The following ESR1 variants were observed in gnomAD, a reference collection of about 807,000 sequenced individuals.
The protein encoded by ESR1 is estrogen receptor 1, also known as estrogen receptor.
In ESR1, 12 loss-of-function variants were observed where a neutral mutation model predicts 52.7. The observed-to-expected ratio is 0.23, with a 90% CI of 0.15 to 0.37. The LOEUF (loss-of-function observed/expected upper bound fraction) is 0.37, where lower values mean the gene tolerates loss of function less well. Among genes scored for constraint, ESR1 ranks in the 10% least tolerant of loss-of-function variants. The pLI is 1.00. For synonymous variants in ESR1, 305 were observed against 316.8 expected (o/e 0.96, Z 0.39); for missense variants, 584 against 779.7 (o/e 0.75, Z 2.99).
intron 2 of ESR1, among the ~76,000 whole-genome samples, chr6:151,756,465 CTCCAACTCCT>C (rs1784294194): frequency 6.6e-6 from 1 of 152,140 alleles, no homozygotes; most frequent in Non-Finnish European, 1.5e-5. Flanking sequence ...TCGGGCTGGT[CTCCAACTCCT>C]GACCTTGGCT....
chr6:151,932,004 T>C (rs2128487643), intron 3 of ESR1, among the ~76,000 whole-genome samples: 1 of 149,562 alleles, frequency 6.7e-6, no homozygotes, highest in South Asian at 2.2e-4. Context: ...TATTTCTAGT[T>C]CTAGATCCCT....
At chr6:152,019,637 T>C (rs2043457686) in intron 5 of ESR1, among the ~76,000 whole-genome samples, 1 of 152,220 alleles carries the variant, frequency 6.6e-6, no homozygotes, top group South Asian at 2.1e-4. Flanking sequence ...TATTATTAAC[T>C]GAATTTATTA....
intron 5 of ESR1, among the ~76,000 whole-genome samples, chr6:152,022,746 C>T (rs997322720): frequency 2.0e-5 from 3 of 152,018 alleles, no homozygotes; most frequent in Non-Finnish European, 4.4e-5. Flanking sequence ...CCGAGGCTGG[C>T]AGATCACCTG....
At position 152,002,223 on chromosome 6, in the gene ESR1, G is replaced by GTGTGT. The variant is rs1554303868; in HGVS notation, c.1097-9433_1097-9432insTGTGT. 7.2e-5 allele frequency among the ~76,000 whole-genome samples: 8 copies of GTGTGT among 111,218 alleles called. No homozygotes were observed. The East Asian group carries it at 1.3e-3, about 18-fold the overall frequency. The allele number at this position is 111,218 out of a possible 152,430, so 73.0% of individuals were successfully genotyped here. Reference sequence around the variant, plus strand: ...GTGTGTGTGTGTGTGTGTGTGTGTGGAATATCTCACTAAAACGACAGTGTT... The same window carrying GTGTGT: ...GTGTGTGTGTGTGTGTGTGTGTGTGGTGTGTAATATCTCACTAAAACGACAGTGTT... On this transcript the variant is annotated intron_variant, in intron 4 of 7. Coordinates refer to ENST00000206249, the MANE Select transcript of ESR1 (RefSeq NM_000125.4).
intron 3 of ESR1, among the ~76,000 whole-genome samples, chr6:151,899,356 C>A (rs1796196518): frequency 8.2e-6 from 1 of 122,294 alleles, no homozygotes; most frequent in African/African-American, 3.6e-5. Flanking sequence ...GGGGCTGACC[C>A]CCCCACCTCC....
downstream of ESR1, among the ~76,000 whole-genome samples, chr6:152,107,222 CTT>C: frequency 6.6e-6 from 1 of 152,282 alleles, no homozygotes. Context: ...CTGAGACTCT[CTT>C]TACATATATG....
rs969391612 is a variant in ESR1 at position 151,771,838 on chromosome 6, T to TA, written c.-70-35997dup. On this transcript the variant is annotated intron_variant, in intron 2 of 2. Coordinates refer to the ESR1 transcript ENST00000404742. ...AAATGAACAAGTGTTATTTTGTAAT[T>TA]AAAAAAAACAACAACTGACAAATAA... 1.8e-3 allele frequency among the ~76,000 whole-genome samples: 273 copies of TA among 152,160 alleles called. 2 individuals carry two copies. Among genetic ancestry groups the TA allele is most frequent in the African/African-American group, 6.4e-3 (264 of 41,508 alleles).
At chr6:151,697,110 T>C (rs1779408217) in intron 1 of ESR1, among the ~76,000 whole-genome samples, 1 of 152,110 alleles carries the variant, frequency 6.6e-6, no homozygotes, top group African/African-American at 2.4e-5. Flanking sequence ...AAGATGTTGG[T>C]GTAGGATTGG....
intron 1 of ESR1, among the ~76,000 whole-genome samples, chr6:151,811,728 CT>C (rs943642174): frequency 6.6e-6 from 1 of 152,068 alleles, no homozygotes; most frequent in Non-Finnish European, 1.5e-5. Context: ...TCTGATCTTA[CT>C]TTTTTATTAA....
rs149531950 is a variant in ESR1, at chr6:151,990,805, C to G, written c.1097-20851C>G. On this transcript the variant is annotated intron_variant, in intron 4 of 7. Transcript: ENST00000206249. ...GTGACTTAAGTATGTAAATAATTATCAGTACAGGTCAGTGAAAAATTAGGT... is the reference window on the plus strand; with the variant it reads ...GTGACTTAAGTATGTAAATAATTATGAGTACAGGTCAGTGAAAAATTAGGT... Among the ~76,000 whole-genome samples, 70 of 152,264 alleles carry G rather than the reference C, an allele frequency of 4.6e-4. 1 individual carries two copies. Among genetic ancestry groups the G allele is most frequent in the Non-Finnish European group, 6.6e-4 (45 of 68,020 alleles).
intron 1 of ESR1, among the ~76,000 whole-genome samples, chr6:151,693,915 G>C (rs894736646): frequency 1.3e-5 from 2 of 152,208 alleles, no homozygotes; most frequent in Non-Finnish European, 2.9e-5. Context: ...AGCATACCCG[G>C]TTGTATGCTG....
intron 4 of ESR1, among the ~76,000 whole-genome samples, chr6:151,956,784 G>C (rs1424874902): frequency 1.4e-5 from 2 of 142,596 alleles, no homozygotes; most frequent in Non-Finnish European, 3.0e-5. Context: ...ATACATGTCT[G>C]TATACATACA....
intron 4 of ESR1, among the ~76,000 whole-genome samples, chr6:151,949,517 T>C (rs533073471): frequency 1.8e-4 from 28 of 152,330 alleles, no homozygotes; most frequent in Admixed American, 1.8e-3. Context: ...ATGGGTGACA[T>C]CCTGGAGAGA....
chr6:152,099,235 G>T lies in ESR1; in HGVS notation c.*269G>T. ...TATGTTACTAAGCGTGAGGATTCCCGTAGCTCTTCACAGCTGAACTCAGTC... is the reference window on the plus strand; with the variant it reads ...TATGTTACTAAGCGTGAGGATTCCCTTAGCTCTTCACAGCTGAACTCAGTC... On this transcript the variant is annotated 3_prime_UTR_variant, in exon 8 of 8. Coordinates refer to ENST00000206249, the MANE Select transcript of ESR1 (RefSeq NM_000125.4). 1 of 514,450 alleles carries T rather than the reference G, an allele frequency of 1.9e-6. No individual in the cohort carries two copies. Among genetic ancestry groups the T allele is most frequent in the Non-Finnish European group, 3.6e-6 (1 of 280,928 alleles). The allele number at this position is 514,450 out of a possible 1,614,324, so 31.9% of individuals were successfully genotyped here. A position where few individuals can be genotyped will look rare whatever the true frequency, so the allele number is the denominator to read the frequency against.
At chr6:152,005,745 A>T (rs1295624098) in intron 4 of ESR1, among the ~76,000 whole-genome samples, 1 of 152,048 alleles carries the variant, frequency 6.6e-6, no homozygotes, top group Non-Finnish European at 1.5e-5. Flanking sequence ...ACCACAGAAG[A>T]ATTGAAAGTC....
intron 4 of ESR1, among the ~76,000 whole-genome samples, chr6:151,947,761 C>T (rs564144244): frequency 1.3e-5 from 2 of 152,062 alleles, no homozygotes; most frequent in South Asian, 2.1e-4. Flanking sequence ...TTCTGGTAGA[C>T]CTGGATAAAG....
intron 5 of ESR1, among the ~76,000 whole-genome samples, chr6:152,032,374 T>C (rs2044800348): frequency 6.6e-6 from 1 of 152,190 alleles, no homozygotes; most frequent in Non-Finnish European, 1.5e-5. Context: ...GATGACATGA[T>C]TGCATATCTA....
chr6:152,101,529 A>G lies in ESR1; in HGVS notation c.*2563A>G, dbSNP rs1486534297. The G allele has an allele frequency of 4.3e-6, 1 of 231,930 alleles. No homozygotes were observed. Among genetic ancestry groups the G allele is most frequent in the Non-Finnish European group, 8.5e-6 (1 of 117,310 alleles). 14.4% of individuals were successfully genotyped at this position (231,930 alleles called of 1,614,324 possible). ...TGGGCAGAGAACATCAGATGATTGA[A>G]ATGTTCGCCCAGGGGTCTCCAGCAA... On this transcript the variant is annotated 3_prime_UTR_variant, in exon 8 of 8. Transcript: ENST00000206249.
intron 6 of ESR1, chr6:152,113,240 A>G (rs1023321984): frequency 6.6e-6 from 1 of 152,326 alleles, no homozygotes; most frequent in African/African-American, 2.4e-5. Context: ...TTGAAAATAT[A>G]AAACCCATTC....
Sources: allele counts gnomAD v4.1 joint callset (sites outside exome capture counted in the v4.1 genomes callset), GRCh38; gene constraint gnomAD v4.1.1; transcripts MANE v1.5; gene names NCBI Gene and HGNC (gene_info 2026-07-23, HGNC 2026-07-21).